CIMAP2: variants seen among roughly 807,000 people sequenced by gnomAD.
CIMAP2 encodes ciliary microtubule associated protein 2, also known as ciliary microtubule-associated protein 2.
At chr1:54,841,502 G>A in the CIMAP2 span, 5 of 1,531,188 alleles carry the variant, frequency 3.3e-6, no homozygotes, top group East Asian at 6.8e-5. Context: ...TCCTCTCAGG[G>A]TTGGGTTAGA....
At chr1:54,842,195 CCT>C in the CIMAP2 span, 2 of 409,728 alleles carry the variant, frequency 4.9e-6, no homozygotes, top group Non-Finnish European at 8.8e-6. Context: ...CTTGTGGGAC[CCT>C]TTCTATTCTA....
At chr1:54,828,432 A>G in the CIMAP2 span, among the ~76,000 whole-genome samples, 1 of 152,192 alleles carries the variant, frequency 6.6e-6, no homozygotes, top group Non-Finnish European at 1.5e-5. Context: ...CCCAGGCTCA[A>G]TAGACCATCC....
the CIMAP2 span, chr1:54,811,764 A>AGCCGGGGGGGGGG: frequency 7.3e-6 from 8 of 1,097,910 alleles, no homozygotes; most frequent in Non-Finnish European, 1.1e-5. Context: ...TGGTTCTGAC[A>AGCCGGGGGGGGGG]GCCTCCATGC....
the CIMAP2 span, among the ~76,000 whole-genome samples, chr1:54,839,233 G>T: frequency 6.6e-6 from 1 of 152,114 alleles, no homozygotes; most frequent in South Asian, 2.1e-4. Context: ...AGTGATGTGT[G>T]GGGTGTGTAG....
chr1:54,806,307 G>C, the CIMAP2 span: 3 of 1,317,910 alleles, frequency 2.3e-6, no homozygotes, highest in Non-Finnish European at 1.0e-6. Context: ...TCGGGAGAGA[G>C]GGTGTCCACC....
the CIMAP2 span, among the ~76,000 whole-genome samples, chr1:54,822,706 A>G: frequency 6.6e-6 from 1 of 152,050 alleles, no homozygotes; most frequent in South Asian, 2.1e-4. Context: ...GGATTTCATC[A>G]TGTTTCCCAG....
chr1:54,809,886 C>CAAA, the CIMAP2 span, among the ~76,000 whole-genome samples: 1 of 100,516 alleles, frequency 9.9e-6, no homozygotes, highest in African/African-American at 3.6e-5. Flanking sequence ...AAAAAAAAAC[C>CAAA]CCTAAAACCA....
At chr1:54,811,766 C>CCGGGGGGGGGGGGCGGCCG in the CIMAP2 span, 1 of 1,305,190 alleles carries the variant, frequency 7.7e-7, no homozygotes, top group Non-Finnish European at 1.1e-6. Context: ...GTTCTGACAG[C>CCGGGGGGGGGGGGCGGCCG]CTCCATGCCC....
At chr1:54,820,413 A>C in the CIMAP2 span, among the ~76,000 whole-genome samples, 1 of 151,798 alleles carries the variant, frequency 6.6e-6, no homozygotes, top group African/African-American at 2.4e-5. Context: ...CCTGGCTTCA[A>C]GTGGTCCTCC....
chr1:54,838,569 G>A, the CIMAP2 span, among the ~76,000 whole-genome samples: 1 of 152,088 alleles, frequency 6.6e-6, no homozygotes, highest in African/African-American at 2.4e-5. Context: ...TGAGGAAACT[G>A]AGTAACTTTC....
At chr1:54,826,586 C>G in the CIMAP2 span, among the ~76,000 whole-genome samples, 826 of 152,344 alleles carry the variant, frequency 5.4e-3, 3 homozygotes, top group Non-Finnish European at 8.7e-3. Context: ...CAAACTCCCT[C>G]TTGGGAACAA....
the CIMAP2 span, among the ~76,000 whole-genome samples, chr1:54,808,610 GC>G: frequency 6.7e-5 from 9 of 133,728 alleles, no homozygotes; most frequent in Middle Eastern, 3.6e-3. Context: ...TCCAGGTGCT[GC>G]CGGGGGAGGG....
At chr1:54,832,819 G>T in the CIMAP2 span, among the ~76,000 whole-genome samples, 1 of 152,158 alleles carries the variant, frequency 6.6e-6, no homozygotes, top group Non-Finnish European at 1.5e-5. Context: ...CTTGAGGTCA[G>T]GCGTTAGAGA....
the CIMAP2 span, among the ~76,000 whole-genome samples, chr1:54,833,070 A>G: frequency 6.6e-6 from 1 of 152,090 alleles, no homozygotes; most frequent in African/African-American, 2.4e-5. Flanking sequence ...AGGAGCTCCC[A>G]TTGGATCCTC....
chr1:54,814,970 C>G, the CIMAP2 span: 1 of 1,614,204 alleles, frequency 6.2e-7, no homozygotes, highest in South Asian at 1.1e-5. Flanking sequence ...AACCCGTCAA[C>G]CAGCCCCCAT....
the CIMAP2 span, among the ~76,000 whole-genome samples, chr1:54,814,620 G>A: frequency 4.6e-5 from 7 of 152,376 alleles, no homozygotes; most frequent in Admixed American, 2.6e-4. Context: ...CAAGTCTGGT[G>A]TGGTCTCCTT....
the CIMAP2 span, chr1:54,807,594 G>A: frequency 1.2e-6 from 2 of 1,608,006 alleles, no homozygotes; most frequent in African/African-American, 2.7e-5. Flanking sequence ...TGATGAAGGA[G>A]GTGGACACAG....
the CIMAP2 span, among the ~76,000 whole-genome samples, chr1:54,826,162 C>T: frequency 1.3e-5 from 2 of 152,132 alleles, no homozygotes; most frequent in African/African-American, 2.4e-5. Context: ...GTGGGCCTGT[C>T]CTCAGGCCCT....
the CIMAP2 span, among the ~76,000 whole-genome samples, chr1:54,840,294 C>CTGT: frequency 5.3e-5 from 8 of 152,222 alleles, no homozygotes; most frequent in East Asian, 1.5e-3. Context: ...TTCAGCCATG[C>CTGT]TGTTGTTGTG....
Sources: allele counts gnomAD v4.1 joint callset (sites outside exome capture counted in the v4.1 genomes callset), GRCh38; gene constraint gnomAD v4.1.1; transcripts MANE v1.5; gene names NCBI Gene and HGNC (gene_info 2026-07-23, HGNC 2026-07-21).